The following ORC5 variants were observed in gnomAD, a reference collection of about 807,000 sequenced individuals.
The protein encoded by ORC5 is origin recognition complex subunit 5.
Under a neutral mutation model 58.8 loss-of-function variants are expected in ORC5, and 39 were observed. The observed-to-expected ratio is 0.66, with a 90% CI of 0.51 to 0.87. The LOEUF (loss-of-function observed/expected upper bound fraction) is 0.87. ORC5 is among the 40% of genes least tolerant of loss of function. The probability of loss-of-function intolerance (pLI) is 0.00; values close to 1 mark genes in which losing one functional copy is unlikely to be tolerated. For missense variants in ORC5, 493 were observed against 506.3 expected (o/e 0.97, Z 0.25); for synonymous variants, 218 against 177.6 (o/e 1.23, Z -1.81).
At chr7:104,142,724 A>T (rs1354071469) in intron 12 of ORC5, among the ~76,000 whole-genome samples, 1 of 152,200 alleles carries the variant, frequency 6.6e-6, no homozygotes, top group Non-Finnish European at 1.5e-5. Context: ...CATCAGACAA[A>T]ACAGACATGA....
intron 11 of ORC5, 141 bp from the exon 12 acceptor site, chr7:104,161,323 T>C: frequency 1.8e-6 from 1 of 558,822 alleles, no homozygotes; most frequent in East Asian, 3.2e-5. Flanking sequence ...CTGCAAACTC[T>C]AAGTTAAAAG....
At chr7:104,207,366 C>T (rs1800115255) in intron 1 of ORC5, among the ~76,000 whole-genome samples, 2 of 152,098 alleles carry the variant, frequency 1.3e-5, no homozygotes, top group African/African-American at 4.8e-5. Context: ...CTGGAAAAGC[C>T]AGTAAATTTT....
Position 104,208,007 on chromosome 7 carries a change from C to A in ORC5, c.-103G>T. ...GGCGGCCCACGCTCCCGCCGGAAAC[C>A]GGACCCGCAGCGTCGTGGGAGGAGC... On this transcript the variant is annotated 5_prime_UTR_variant, in exon 1 of 14. Coordinates refer to ENST00000297431, the MANE Select transcript of ORC5 (RefSeq NM_002553.4). The A allele has an allele frequency of 8.8e-7, 1 of 1,135,018 alleles. No homozygotes were observed. The highest frequency in any genetic ancestry group is 1.9e-5 in the Admixed American group (1 of 52,328). The allele number at this position is 1,135,018 out of a possible 1,614,324, so 70.3% of individuals were successfully genotyped here. A position where few individuals can be genotyped will look rare whatever the true frequency, so the allele number is the denominator to read the frequency against.
At chr7:104,198,303 G>C (rs956214803) in intron 3 of ORC5, among the ~76,000 whole-genome samples, 4 of 152,254 alleles carry the variant, frequency 2.6e-5, no homozygotes, top group Non-Finnish European at 4.4e-5. Context: ...CAACTTCCTA[G>C]AGACTTGTTA....
intron 12 of ORC5, among the ~76,000 whole-genome samples, chr7:104,151,999 A>C (rs1798854621): frequency 6.6e-6 from 1 of 152,200 alleles, no homozygotes; most frequent in African/African-American, 2.4e-5. Flanking sequence ...TCTTCTCTGA[A>C]GCACCAGCTA....
intron 13 of ORC5, among the ~76,000 whole-genome samples, chr7:104,131,898 C>T (rs376038075): frequency 5.3e-5 from 8 of 151,682 alleles, no homozygotes; most frequent in African/African-American, 1.9e-4. Flanking sequence ...TACTCTCTCT[C>T]CTTTATAGCA....
At chr7:104,131,827 G>C (rs551235144) in intron 13 of ORC5, among the ~76,000 whole-genome samples, 1 of 150,758 alleles carries the variant, frequency 6.6e-6, no homozygotes, top group African/African-American at 2.4e-5. Flanking sequence ...ACTCCAGCCT[G>C]GGTGACAGAG....
At position 104,206,323 on chromosome 7, in the gene ORC5, T is replaced by C. The variant is rs575253019; in HGVS notation, c.72+1510A>G. On this transcript the variant is annotated intron_variant, in intron 1 of 13. Coordinates refer to ENST00000297431, the MANE Select transcript of ORC5 (RefSeq NM_002553.4). ...GCTATAGTTGTTTGTATTTCCCACA[T>C]GCACAGCACCTTGCAGAAAACTGAT... 3.9e-5 allele frequency among the ~76,000 whole-genome samples: 6 copies of C among 152,300 alleles called. No individual in the cohort carries two copies. The East Asian group carries it at 1.2e-3, about 29-fold the overall frequency.
At chr7:104,187,159 C>T (rs969556383) in intron 6 of ORC5, among the ~76,000 whole-genome samples, 7 of 152,174 alleles carry the variant, frequency 4.6e-5, no homozygotes, top group African/African-American at 1.2e-4. Flanking sequence ...CACTCAGGTG[C>T]GTTTTCCTGA....
chr7:104,181,012 C>A (rs1325452148), intron 8 of ORC5, among the ~76,000 whole-genome samples: 1 of 152,150 alleles, frequency 6.6e-6, no homozygotes, highest in Non-Finnish European at 1.5e-5. Flanking sequence ...CTCTTAAATA[C>A]AAGTTTCTAG....
intron 8 of ORC5, among the ~76,000 whole-genome samples, chr7:104,178,654 G>T (rs778260910): frequency 1.3e-5 from 2 of 152,102 alleles, no homozygotes; most frequent in Non-Finnish European, 2.9e-5. Context: ...GTCCTGAATG[G>T]TGTTGCCTAG....
At chr7:104,205,599 G>A (rs2116123165) in intron 1 of ORC5, among the ~76,000 whole-genome samples, 1 of 152,304 alleles carries the variant, frequency 6.6e-6, no homozygotes, top group South Asian at 2.1e-4. Context: ...ATGGCATACA[G>A]CTATGGCAAA....
intron 13 of ORC5, among the ~76,000 whole-genome samples, chr7:104,135,248 T>C (rs1337765403): frequency 1.3e-5 from 2 of 152,198 alleles, no homozygotes; most frequent in Non-Finnish European, 2.9e-5. Context: ...GGCTCTTAGA[T>C]ATAAAGTTCC....
intron 12 of ORC5, among the ~76,000 whole-genome samples, chr7:104,150,189 GTAAT>G (rs983116262): frequency 6.6e-6 from 1 of 152,126 alleles, no homozygotes; most frequent in Admixed American, 6.6e-5. Context: ...ATTTACAACT[GTAAT>G]TAATTTTTAA....
rs552604674 is a variant in ORC5 at position 104,158,094 on chromosome 7, A to G, written c.1149+2978T>C. Among the ~76,000 whole-genome samples the G allele has an allele frequency of 2.6e-5, 4 of 152,274 alleles. No homozygotes were observed. In the East Asian group the frequency reaches 7.7e-4, roughly 29 times the overall value. On this transcript the variant is annotated intron_variant, in intron 12 of 13. Coordinates refer to ENST00000297431, the MANE Select transcript of ORC5 (RefSeq NM_002553.4). ...TAAATGAGAAATATTTAAAAAACAA[A>G]AACTCCTACTCATTCTCCACAGCCA...
intron 12 of ORC5, among the ~76,000 whole-genome samples, chr7:104,137,244 C>T (rs1412476122): frequency 7.0e-6 from 1 of 142,804 alleles, no homozygotes; most frequent in Non-Finnish European, 1.5e-5. Context: ...GCTGGGACTA[C>T]AGGCACATTT....
intron 1 of ORC5, 83 bp downstream of exon 1, chr7:104,207,750 A>T: frequency 1.5e-6 from 2 of 1,375,040 alleles, no homozygotes; most frequent in Non-Finnish European, 2.1e-6. Flanking sequence ...CAATCCAAAC[A>T]CGAAAAAACA....
chr7:104,177,903 A>C (rs1011957386), intron 8 of ORC5, among the ~76,000 whole-genome samples: 1 of 152,146 alleles, frequency 6.6e-6, no homozygotes, highest in Non-Finnish European at 1.5e-5. Context: ...ACATGAACTC[A>C]TCCTTTTCAT....
In ORC5 at chr7:104,156,123, C is replaced by T. The variant is rs543173687; in HGVS notation, c.1149+4949G>A. 4.6e-5 allele frequency among the ~76,000 whole-genome samples: 7 copies of T among 151,528 alleles called. No individual in the cohort carries two copies. In the East Asian group the frequency reaches 9.7e-4, roughly 21 times the overall value. ...AAATACCAGAATTAATGCTTTGTCA[C>T]CCATGAAGTTCAGGCATACATAGAA... is the stretch of plus-strand genomic sequence containing the variant. On this transcript the variant is annotated intron_variant, in intron 12 of 13. Coordinates refer to ENST00000297431, the MANE Select transcript of ORC5 (RefSeq NM_002553.4).
Sources: allele counts gnomAD v4.1 joint callset (sites outside exome capture counted in the v4.1 genomes callset), GRCh38; gene constraint gnomAD v4.1.1; transcripts MANE v1.5; gene names NCBI Gene and HGNC (gene_info 2026-07-23, HGNC 2026-07-21).